Variants in SLC20A2 observed in about 807,000 individuals in gnomAD.
The protein encoded by SLC20A2 is solute carrier family 20 member 2.
Under a neutral mutation model 61.0 loss-of-function variants are expected in SLC20A2, and 30 were observed. The ratio of observed to expected loss-of-function variants is 0.49; its 90% CI spans 0.37 to 0.67. SLC20A2 has a LOEUF of 0.67. Among genes scored for constraint, SLC20A2 ranks in the 30% least tolerant of loss-of-function variants. SLC20A2 has a pLI of 0.00. For missense variants in SLC20A2, 626 were observed against 866.4 expected, an observed-to-expected ratio of 0.72 and a Z score of 3.48; for synonymous variants, 351 against 353.3, an observed-to-expected ratio of 0.99 and a Z score of 0.07.
At chr8:42,430,336 C>T (rs1182839233) in intron 8 of SLC20A2, 87 bp from the exon 9 acceptor site, 6 of 1,027,564 alleles carry the variant, frequency 5.8e-6, no homozygotes, top group Non-Finnish European at 8.5e-6. Context: ...TTGTGCTTCA[C>T]TTTATCACAC....
intron 5 of SLC20A2, among the ~76,000 whole-genome samples, 155 bp downstream of exon 5, chr8:42,459,741 G>A (rs761879391): frequency 1.3e-4 from 20 of 152,042 alleles, no homozygotes; most frequent in Admixed American, 3.3e-4. Context: ...CATGAGTAAC[G>A]CATTTTACTA....
chr8:42,487,429 G>A (rs567670316), intron 1 of SLC20A2, among the ~76,000 whole-genome samples: 16 of 151,714 alleles, frequency 1.1e-4, no homozygotes, highest in African/African-American at 3.9e-4. Context: ...CACCTGCCTC[G>A]GCCTCCCAAA....
chr8:42,420,932 G>C (rs1802997395), intron 10 of SLC20A2, among the ~76,000 whole-genome samples: 1 of 152,108 alleles, frequency 6.6e-6, no homozygotes, highest in South Asian at 2.1e-4. Flanking sequence ...GTCAGGTAAG[G>C]CTAGTTCCTC....
At chr8:42,474,963 C>A (rs1249682673) in intron 1 of SLC20A2, among the ~76,000 whole-genome samples, 1 of 151,854 alleles carries the variant, frequency 6.6e-6, no homozygotes, top group Non-Finnish European at 1.5e-5. Context: ...AGATGGTTCT[C>A]ATGGTGGGAA....
At chr8:42,440,264 A>T (rs1804674582) in intron 6 of SLC20A2, among the ~76,000 whole-genome samples, 1 of 152,176 alleles carries the variant, frequency 6.6e-6, no homozygotes, top group Non-Finnish European at 1.5e-5. Context: ...CTCCAGCACT[A>T]ATGTTCTGTA....
chr8:42,540,963 C>G (rs1813079045), intron 1 of SLC20A2: 1 of 152,256 alleles, frequency 6.6e-6, no homozygotes, highest in Admixed American at 6.5e-5. Flanking sequence ...GAAAACACTA[C>G]GGTGTCAGCC....
rs73631778 is a variant in SLC20A2 at position 42,436,560 on chromosome 8, G to C, written c.1523+429C>G. 1.3e-5 allele frequency among the ~76,000 whole-genome samples: 2 copies of C among 152,050 alleles called. 1 individual carries two copies. Among genetic ancestry groups the C allele is most frequent in the Non-Finnish European group, 2.9e-5 (2 of 68,002 alleles). ...CTCACAGCTCCACGGCTCCCCTCTCGAGGCGAGGCCTTCCTTCCTGTGTCC... is the reference window on the plus strand; with the variant it reads ...CTCACAGCTCCACGGCTCCCCTCTCCAGGCGAGGCCTTCCTTCCTGTGTCC... On this transcript the variant is annotated intron_variant, in intron 8 of 10. Transcript: ENST00000520262.
intron 8 of SLC20A2, among the ~76,000 whole-genome samples, chr8:42,432,858 T>C (rs1357450094): frequency 2.0e-5 from 3 of 152,238 alleles, no homozygotes; most frequent in South Asian, 2.1e-4. Flanking sequence ...TAATAGACTA[T>C]GGTATACTAT....
chr8:42,463,854 G>A (rs1255973249), intron 3 of SLC20A2, among the ~76,000 whole-genome samples: 1 of 152,032 alleles, frequency 6.6e-6, no homozygotes, highest in Non-Finnish European at 1.5e-5. Flanking sequence ...CATGATTCTT[G>A]TAAAAAATTG....
chr8:42,501,979 C>T (rs944157527), upstream of SLC20A2, among the ~76,000 whole-genome samples: 3 of 152,196 alleles, frequency 2.0e-5, no homozygotes, highest in African/African-American at 4.8e-5. Context: ...AATATAAGTA[C>T]AACTTATAAC....
chr8:42,447,438 G>A (rs1017441551), intron 5 of SLC20A2, among the ~76,000 whole-genome samples: 2 of 152,108 alleles, frequency 1.3e-5, no homozygotes, highest in African/African-American at 4.8e-5. Flanking sequence ...AGCACTTTGG[G>A]AGGCCAAGGC....
chr8:42,532,547 G>A (rs1406733555), intron 1 of SLC20A2, among the ~76,000 whole-genome samples: 1 of 152,126 alleles, frequency 6.6e-6, no homozygotes, highest in African/African-American at 2.4e-5. Flanking sequence ...ATGTTCGAAG[G>A]GAAGTTAATA....
At chr8:42,438,062 CCAAAAAAAAAAAAAAAA>C (rs1804454317) in intron 7 of SLC20A2, among the ~76,000 whole-genome samples, 2 of 96,868 alleles carry the variant, frequency 2.1e-5, no homozygotes, top group Non-Finnish European at 2.1e-5. Context: ...AAAAAAAAAA[CCAAAAAAAAAAAAAAAA>C]AAAAAAAAAA....
At chr8:42,520,354 T>C (rs1056070887) in intron 1 of SLC20A2, among the ~76,000 whole-genome samples, 2 of 151,850 alleles carry the variant, frequency 1.3e-5, no homozygotes, top group Non-Finnish European at 2.9e-5. Flanking sequence ...AAATTCTTCA[T>C]GTCCACCCAG....
At chr8:42,456,752 A>ACC (rs1473741326) in intron 5 of SLC20A2, among the ~76,000 whole-genome samples, 4 of 123,110 alleles carry the variant, frequency 3.2e-5, no homozygotes, top group Non-Finnish European at 3.5e-5. Context: ...AAAAAAAAAA[A>ACC]AAACAAGGAC....
At chr8:42,526,818 C>T (rs1483373791) in intron 1 of SLC20A2, among the ~76,000 whole-genome samples, 3 of 151,592 alleles carry the variant, frequency 2.0e-5, no homozygotes, top group African/African-American at 7.3e-5. Flanking sequence ...ATAGGAGAAA[C>T]TGGCAACAGG....
intron 1 of SLC20A2, among the ~76,000 whole-genome samples, chr8:42,533,373 T>G (rs957516703): frequency 1.3e-5 from 2 of 152,246 alleles, no homozygotes; most frequent in Middle Eastern, 3.4e-3. Context: ...CCCAGCACTT[T>G]GGGAGGCCCA....
At chr8:42,475,903 C>CAA (rs1217516420) in intron 1 of SLC20A2, among the ~76,000 whole-genome samples, 3 of 151,918 alleles carry the variant, frequency 2.0e-5, no homozygotes, top group Admixed American at 6.6e-5. Context: ...CCAACAGGAC[C>CAA]AGATGGTGGA....
At chr8:42,535,857 A>C (rs549984752) in intron 1 of SLC20A2, among the ~76,000 whole-genome samples, 9 of 152,336 alleles carry the variant, frequency 5.9e-5, no homozygotes, top group African/African-American at 9.6e-5. Context: ...TACTTTCAGG[A>C]TAAACCCTGG....
Sources: allele counts gnomAD v4.1 joint callset (sites outside exome capture counted in the v4.1 genomes callset), GRCh38; gene constraint gnomAD v4.1.1; transcripts MANE v1.5; gene names NCBI Gene and HGNC (gene_info 2026-07-23, HGNC 2026-07-21).